VPS54: variants seen among roughly 807,000 people sequenced by gnomAD.
The protein encoded by VPS54 is vacuolar protein sorting-associated protein 54.
In VPS54, 45 loss-of-function variants were observed where a neutral mutation model predicts 121.5. The ratio of observed to expected loss-of-function variants is 0.37; its 90% CI spans 0.29 to 0.47. VPS54 has a LOEUF of 0.47. Among genes scored for constraint, VPS54 ranks in the 20% least tolerant of loss-of-function variants. VPS54 has a pLI of 0.99. For missense variants in VPS54, 1,090 were observed against 1,131.4 expected (o/e 0.96, Z 0.52); for synonymous variants, 371 against 385.8 (o/e 0.96, Z 0.45).
chr2:64,008,934 A>T (rs1027945846), intron 1 of VPS54, among the ~76,000 whole-genome samples: 2 of 152,246 alleles, frequency 1.3e-5, no homozygotes, highest in Non-Finnish European at 2.9e-5. Context: ...AATATTTCTG[A>T]ATGAATCAAT....
In VPS54 at chr2:63,893,341, G is replaced by T; in HGVS notation, c.*89C>A. The T allele has an allele frequency of 1.7e-6, 2 of 1,177,464 alleles. No individual in the cohort carries two copies. Among genetic ancestry groups the T allele is most frequent in the Non-Finnish European group, 2.6e-6 (2 of 782,466 alleles). 72.9% of individuals were successfully genotyped at this position (1,177,464 alleles called of 1,614,324 possible). ...CACCCCAGTTCACTTTGGGTTTCAGGTTCAATTCTCGAATCACAGGCATCC... is the reference window on the plus strand; with the variant it reads ...CACCCCAGTTCACTTTGGGTTTCAGTTTCAATTCTCGAATCACAGGCATCC... On this transcript the variant is annotated 3_prime_UTR_variant, in exon 23 of 23. Coordinates refer to ENST00000272322, the MANE Select transcript of VPS54 (RefSeq NM_016516.3).
At chr2:63,926,752 C>A (rs144846196) in intron 12 of VPS54, among the ~76,000 whole-genome samples, 2,681 of 152,306 alleles carry the variant, frequency 0.018, 34 homozygotes, top group Non-Finnish European at 0.022. Flanking sequence ...CTGTGAGTAA[C>A]TGCACCTGGA....
chr2:63,984,728 G>C (rs1676961763), intron 1 of VPS54, among the ~76,000 whole-genome samples: 1 of 152,164 alleles, frequency 6.6e-6, no homozygotes, highest in African/African-American at 2.4e-5. Context: ...CAAAACACAA[G>C]TTAACCTATG....
intron 20 of VPS54, among the ~76,000 whole-genome samples, chr2:63,907,195 T>C (rs963820191): frequency 6.6e-6 from 1 of 151,872 alleles, no homozygotes; most frequent in African/African-American, 2.4e-5. Flanking sequence ...AGAAAAAAAA[T>C]TGGAGAATAT....
intron 3 of VPS54, among the ~76,000 whole-genome samples, chr2:63,978,239 A>C (rs1165355325): frequency 1.3e-5 from 2 of 152,178 alleles, no homozygotes; most frequent in African/African-American, 2.4e-5. Context: ...CTTTTTAAGA[A>C]ACTGCCAAAC....
intron 1 of VPS54, among the ~76,000 whole-genome samples, chr2:64,005,510 G>C (rs1021417155): frequency 1.3e-5 from 2 of 152,190 alleles, no homozygotes; most frequent in Non-Finnish European, 2.9e-5. Flanking sequence ...GAGAATACCT[G>C]AGATTTCTAT....
At chr2:63,991,629 T>A (rs1677323765) in intron 1 of VPS54, among the ~76,000 whole-genome samples, 1 of 152,206 alleles carries the variant, frequency 6.6e-6, no homozygotes, top group Non-Finnish European at 1.5e-5. Flanking sequence ...TACTGTTTGC[T>A]CACGTCGTCG....
At chr2:63,926,379 T>C (rs929490601) in intron 12 of VPS54, among the ~76,000 whole-genome samples, 5 of 152,228 alleles carry the variant, frequency 3.3e-5, no homozygotes, top group Admixed American at 2.6e-4. Context: ...CAGAAGAAAC[T>C]TTATTAATAT....
At chr2:63,940,321 CCAT>C (rs1674660273) in intron 11 of VPS54, among the ~76,000 whole-genome samples, 2 of 151,998 alleles carry the variant, frequency 1.3e-5, no homozygotes, top group Non-Finnish European at 2.9e-5. Context: ...GAAAAAAGTA[CCAT>C]ATTTCATGTC....
chr2:63,963,268 T>A (rs1225676013), intron 6 of VPS54, among the ~76,000 whole-genome samples: 2 of 152,154 alleles, frequency 1.3e-5, no homozygotes. Flanking sequence ...CATATATATT[T>A]TTTTAGTAGC....
chr2:63,986,602 T>C (rs573381554), intron 1 of VPS54, among the ~76,000 whole-genome samples: 4 of 152,360 alleles, frequency 2.6e-5, no homozygotes, highest in Admixed American at 1.3e-4. Context: ...TTTCATTTAT[T>C]GTATATTCTT....
At chr2:63,914,751 CCA>C (rs956244427) in intron 16 of VPS54, among the ~76,000 whole-genome samples, 40 of 151,888 alleles carry the variant, frequency 2.6e-4, no homozygotes, top group African/African-American at 9.2e-4. Flanking sequence ...AAAACCTAGT[CCA>C]GATTTTCTTA....
At chr2:63,983,664 G>T (rs1575988846) in intron 2 of VPS54, among the ~76,000 whole-genome samples, 200 bp downstream of exon 2, 2 of 144,030 alleles carry the variant, frequency 1.4e-5, no homozygotes, top group Admixed American at 1.4e-4. Context: ...GGATGATCTC[G>T]ATCTCCTGAC....
intron 7 of VPS54, among the ~76,000 whole-genome samples, chr2:63,960,519 G>C (rs977091246): frequency 6.6e-6 from 1 of 152,094 alleles, no homozygotes; most frequent in Admixed American, 6.6e-5. Flanking sequence ...TGAACTTTGA[G>C]GTAAAAATTA....
At chr2:63,899,360 T>C in intron 21 of VPS54, 114 bp downstream of exon 21, 2 of 844,922 alleles carry the variant, frequency 2.4e-6, no homozygotes, top group Non-Finnish European at 1.8e-6. Flanking sequence ...AAAAAAATGA[T>C]AATCATATTG....
chr2:64,005,271 T>C (rs1053115011), intron 1 of VPS54, among the ~76,000 whole-genome samples: 17 of 148,830 alleles, frequency 1.1e-4, no homozygotes, highest in Admixed American at 2.0e-4. Flanking sequence ...GCCCGGCTAA[T>C]TTTTTGTATT....
intron 17 of VPS54, chr2:63,913,970 T>C (rs1673265440): frequency 1.5e-6 from 2 of 1,295,388 alleles, no homozygotes; most frequent in African/African-American, 3.0e-5. Context: ...TTAACAACTC[T>C]ATGGGTGAAT....
chr2:64,005,228 C>T (rs905753757), intron 1 of VPS54, among the ~76,000 whole-genome samples: 19 of 149,008 alleles, frequency 1.3e-4, no homozygotes, highest in African/African-American at 4.2e-4. Context: ...CTCAGCCTCC[C>T]GAGTAGCTGG....
At chr2:63,960,311 C>G (rs1175261265) in intron 7 of VPS54, among the ~76,000 whole-genome samples, 1 of 151,930 alleles carries the variant, frequency 6.6e-6, no homozygotes, top group Non-Finnish European at 1.5e-5. Context: ...AAGGTACAAA[C>G]AAAAAAAGTA....
Sources: gnomAD v4.1 joint callset for allele counts (sites outside exome capture counted in the v4.1 genomes callset) on GRCh38, gnomAD v4.1.1 for gene constraint, MANE v1.5 for transcripts, NCBI Gene and HGNC (gene_info 2026-07-23, HGNC 2026-07-21) for gene names.